The following RBFOX1 variants were observed in gnomAD, a reference collection of about 807,000 sequenced individuals.
The protein encoded by RBFOX1 is RNA binding fox-1 homolog 1, also known as RNA binding protein fox-1 homolog 1.
A neutral mutation model predicts 57.7 loss-of-function variants in RBFOX1; 8 were observed. That is an observed-to-expected ratio of 0.14 (90% confidence interval 0.08 to 0.25). The LOEUF (loss-of-function observed/expected upper bound fraction) is 0.25. Among genes scored for constraint, RBFOX1 ranks in the 10% least tolerant of loss-of-function variants. The pLI, the probability that RBFOX1 is intolerant of heterozygous loss-of-function variation, is 1.00. For synonymous variants in RBFOX1, 326 were observed against 222.4 expected (o/e 1.47, Z -4.15); for missense variants, 611 against 548.5 (o/e 1.11, Z -1.14).
chr16:7,241,126 G>A (rs2346617), intron 4 of RBFOX1, among the ~76,000 whole-genome samples: 55,386 of 151,988 alleles, frequency 0.36, 10,764 homozygotes, highest in Middle Eastern at 0.52. Flanking sequence ...GAGACCCGAG[G>A]CAGAAGTATC....
chr16:7,491,619 TTTGGGCTCTTTATTTTATCTA>T (rs1254101499), intron 4 of RBFOX1, among the ~76,000 whole-genome samples: 3 of 151,972 alleles, frequency 2.0e-5, no homozygotes, highest in Admixed American at 2.0e-4. Context: ...ACATGCCTCA[TTTGGGCTCTTTATTTTATCTA>T]TTTTATTTGA....
intron 2 of RBFOX1, among the ~76,000 whole-genome samples, chr16:6,384,034 C>G (rs2092053542): frequency 6.7e-6 from 1 of 150,362 alleles, no homozygotes; most frequent in Non-Finnish European, 1.5e-5. Flanking sequence ...TGTTTCACCA[C>G]CATTCATCTC....
intron 3 of RBFOX1, among the ~76,000 whole-genome samples, chr16:6,885,630 C>G (rs919060643): frequency 6.6e-6 from 1 of 151,910 alleles, no homozygotes; most frequent in African/African-American, 2.4e-5. Context: ...CTCCTGAGTT[C>G]AAGTGATTAT....
In RBFOX1 at chr16:5,902,285, C is replaced by G. The variant is rs916557606; in HGVS notation, c.351+34950C>G. Among the ~76,000 whole-genome samples, 5 of 152,116 alleles carry G rather than the reference C, an allele frequency of 3.3e-5. No individual in the cohort carries two copies. The East Asian group carries it at 9.6e-4, about 29-fold the overall frequency. On this transcript the variant is annotated intron_variant, in intron 4 of 19. Coordinates refer to the RBFOX1 transcript ENST00000641259. ...AAATTCTGCACCCTAGCCTAAGAGC[C>G]ACAGTTGACAAATAATAGAGCTAGA...
chr16:6,589,904 C>G (rs2097686886), intron 2 of RBFOX1, among the ~76,000 whole-genome samples: 3 of 152,170 alleles, frequency 2.0e-5, no homozygotes. Context: ...AATTTTTACA[C>G]AGGCAGTTTC....
chr16:6,103,489 C>A (rs2096339822), intron 1 of RBFOX1, among the ~76,000 whole-genome samples: 1 of 151,988 alleles, frequency 6.6e-6, no homozygotes, highest in Non-Finnish European at 1.5e-5. Context: ...AACAAACATC[C>A]CCCAACTTTT....
intron 2 of RBFOX1, among the ~76,000 whole-genome samples, chr16:6,576,010 A>T (rs2097429656): frequency 6.6e-6 from 1 of 152,188 alleles, no homozygotes; most frequent in African/African-American, 2.4e-5. Flanking sequence ...CAAAGCAAAA[A>T]CTGTCAGGAG....
At chr16:6,873,445 T>G (rs548297799) in intron 3 of RBFOX1, among the ~76,000 whole-genome samples, 2 of 152,302 alleles carry the variant, frequency 1.3e-5, no homozygotes, top group South Asian at 4.1e-4. Flanking sequence ...CAAATAGGCT[T>G]TCAATTTTTC....
chr16:7,440,425 C>T (rs1425380916), intron 4 of RBFOX1, among the ~76,000 whole-genome samples: 1 of 152,084 alleles, frequency 6.6e-6, no homozygotes, highest in Non-Finnish European at 1.5e-5. Context: ...TCTCCCAAGC[C>T]TATGTCCCTT....
intron 4 of RBFOX1, among the ~76,000 whole-genome samples, chr16:7,308,616 A>G (rs1035899241): frequency 1.3e-5 from 2 of 152,332 alleles, no homozygotes; most frequent in Admixed American, 1.3e-4. Context: ...GTTTGTACAA[A>G]GGGTAATTCC....
chr16:6,350,491 A>C (rs1048522948), intron 2 of RBFOX1, among the ~76,000 whole-genome samples: 26 of 126,082 alleles, frequency 2.1e-4, no homozygotes, highest in African/African-American at 1.3e-4. Flanking sequence ...AAAAAAAAAA[A>C]AAAAAAAACA....
intron 3 of RBFOX1, among the ~76,000 whole-genome samples, chr16:5,722,280 C>G (rs914564255): frequency 1.3e-5 from 2 of 152,196 alleles, no homozygotes; most frequent in African/African-American, 2.4e-5. Flanking sequence ...TACAGTGTAT[C>G]TAATCTCTTA....
chr16:6,896,417 A>T (rs747748860), intron 3 of RBFOX1, among the ~76,000 whole-genome samples: 2 of 152,042 alleles, frequency 1.3e-5, no homozygotes, highest in African/African-American at 4.8e-5. Flanking sequence ...AACCATCCCT[A>T]CTTTCCCCTC....
At chr16:6,710,059 C>T (rs551880631) in intron 3 of RBFOX1, among the ~76,000 whole-genome samples, 15 of 152,068 alleles carry the variant, frequency 9.9e-5, no homozygotes, top group Non-Finnish European at 1.6e-4. Flanking sequence ...GACAGTGTTG[C>T]AAGAGGTGAT....
intron 2 of RBFOX1, among the ~76,000 whole-genome samples, chr16:5,498,818 C>T (rs1013398481): frequency 2.0e-5 from 3 of 152,242 alleles, no homozygotes; most frequent in African/African-American, 7.2e-5. Flanking sequence ...ATCACTCCCT[C>T]CCCTCCTATT....
At position 6,654,522 on chromosome 16, in the gene RBFOX1, A is replaced by G. The variant is rs906065360; in HGVS notation, c.-63-81A>G. 2.8e-5 allele frequency: 32 copies of G among 1,141,052 alleles called. No individual in the cohort carries two copies. The African/African-American group carries it at 4.5e-4, about 16-fold the overall frequency. 70.7% of individuals were successfully genotyped at this position (1,141,052 alleles called of 1,614,324 possible). On this transcript the variant is annotated intron_variant, in intron 2 of 15. Coordinates refer to ENST00000550418, the MANE Select transcript of RBFOX1 (RefSeq NM_018723.4). ...CTTTATTATTTTAAAGGGCATTTCA[A>G]CAACACCACTGAATGTTCTCTGACC...
At chr16:7,176,358 G>T (rs1009367795) in intron 4 of RBFOX1, among the ~76,000 whole-genome samples, 1 of 151,894 alleles carries the variant, frequency 6.6e-6, no homozygotes, top group Non-Finnish European at 1.5e-5. Context: ...TGGGAAGAAT[G>T]CCTGGCATAT....
rs547516210 is a variant in RBFOX1 at position 5,565,802 on chromosome 16, A to T, written c.259-33100A>T. ...TCTACTTGAGGCTAGTTTTATGTGG[A>T]CATGGGAAATAAGAGAGGCTCCTAA... On this transcript the variant is annotated intron_variant, in intron 2 of 2. Transcript: ENST00000585867. Among the ~76,000 whole-genome samples, 25 of 152,054 alleles carry T rather than the reference A, an allele frequency of 1.6e-4. No homozygotes were observed. In the South Asian group the frequency reaches 3.1e-3, roughly 19 times the overall value.
chr16:5,352,697 C>G (rs2065288925), intron 1 of RBFOX1, among the ~76,000 whole-genome samples: 1 of 152,210 alleles, frequency 6.6e-6, no homozygotes, highest in Non-Finnish European at 1.5e-5. Context: ...AATTCCAGCA[C>G]TTTGGGAGGC....
Sources: gnomAD v4.1 joint callset for allele counts (sites outside exome capture counted in the v4.1 genomes callset) on GRCh38, gnomAD v4.1.1 for gene constraint, MANE v1.5 for transcripts, NCBI Gene and HGNC (gene_info 2026-07-23, HGNC 2026-07-21) for gene names.